Variants in SRRM1 observed in about 807,000 individuals in gnomAD.
SRRM1 encodes the protein serine/arginine repetitive matrix protein 1.
SRRM1 carries 19 observed loss-of-function variants against 110.2 expected under a neutral mutation model. The observed-to-expected ratio is 0.17, with a 90% CI of 0.12 to 0.25. The LOEUF is 0.25. Among genes scored for constraint, SRRM1 ranks in the 10% least tolerant of loss-of-function variants. The pLI is 1.00. For missense variants in SRRM1, 918 were observed against 1,145.8 expected (o/e 0.80, Z 2.87); for synonymous variants, 443 against 414.9 (o/e 1.07, Z -0.82).
At chr1:24,668,970 ATTT>A (rs995375599) in intron 13 of SRRM1, among the ~76,000 whole-genome samples, 150 bp from the exon 14 acceptor site, 119 of 152,224 alleles carry the variant, frequency 7.8e-4, no homozygotes, top group African/African-American at 2.7e-3. Flanking sequence ...TTTTATTGAT[ATTT>A]AAGTGAGAAT....
At chr1:24,666,039 C>G (rs1225353310) in intron 12 of SRRM1, among the ~76,000 whole-genome samples, 2 of 152,142 alleles carry the variant, frequency 1.3e-5, no homozygotes, top group Admixed American at 6.5e-5. Flanking sequence ...GCAGTTGATT[C>G]CTAATAAGGA....
intron 10 of SRRM1, 52 bp downstream of exon 10, chr1:24,660,851 T>C: frequency 7.4e-7 from 1 of 1,346,800 alleles, no homozygotes; most frequent in Non-Finnish European, 1.0e-6. Flanking sequence ...TTTGTTTTTC[T>C]TAAAGCTGAT....
chr1:24,643,491 C>CCT (rs1438412855), intron 1 of SRRM1, 144 bp downstream of exon 1: 1 of 577,856 alleles, frequency 1.7e-6, no homozygotes. Context: ...CACCCCCCCC[C>CCT]CCCCCGTGCG....
At chr1:24,668,541 T>C (rs1671193565) in intron 13 of SRRM1, among the ~76,000 whole-genome samples, 1 of 152,222 alleles carries the variant, frequency 6.6e-6, no homozygotes, top group South Asian at 2.1e-4. Context: ...AAGAGGAAAT[T>C]AGGCAGTTTG....
At position 24,670,389 on chromosome 1, in the gene SRRM1, T is replaced by C. The variant is rs1249537903; in HGVS notation, c.2400+74T>C. On this transcript the variant is annotated intron_variant, in intron 15 of 16. Coordinates refer to ENST00000323848, the MANE Select transcript of SRRM1 (RefSeq NM_005839.4). ...TCACTTTGAAGCAGAGAAAATGTCATTGGGGCATTAAAATATTGGTGTTTA... is the reference window on the plus strand; with the variant it reads ...TCACTTTGAAGCAGAGAAAATGTCACTGGGGCATTAAAATATTGGTGTTTA... The C allele has an allele frequency of 4.3e-6, 6 of 1,403,060 alleles. No homozygotes were observed. In the East Asian group the frequency reaches 7.6e-5, roughly 18 times the overall value. The allele number at this position is 1,403,060 out of a possible 1,614,324, so 86.9% of individuals were successfully genotyped here. A position where few individuals can be genotyped will look rare whatever the true frequency, so the allele number is the denominator to read the frequency against.
intron 8 of SRRM1, chr1:24,654,236 T>C (rs1662706552): frequency 8.4e-7 from 1 of 1,197,376 alleles, no homozygotes; most frequent in African/African-American, 1.6e-5. Flanking sequence ...GTCAATATTT[T>C]ACAGATTGTT....
At chr1:24,666,966 C>T in intron 13 of SRRM1, 41 bp downstream of exon 13, 1 of 1,215,460 alleles carries the variant, frequency 8.2e-7, no homozygotes, top group African/African-American at 1.5e-5. Context: ...CTCCCCAACT[C>T]CCCCCGCCCC....
At chr1:24,664,343 A>G (rs977710413) in intron 12 of SRRM1, among the ~76,000 whole-genome samples, 1 of 152,204 alleles carries the variant, frequency 6.6e-6, no homozygotes, top group African/African-American at 2.4e-5. Flanking sequence ...CTGTGACCAT[A>G]AAACTGTAAA....
intron 4 of SRRM1, among the ~76,000 whole-genome samples, chr1:24,649,348 T>C (rs1659237871): frequency 6.6e-6 from 1 of 152,238 alleles, no homozygotes; most frequent in Non-Finnish European, 1.5e-5. Flanking sequence ...AGACACAGTT[T>C]CAGTCTGTCA....
chr1:24,646,884 G>A, intron 3 of SRRM1, 95 bp downstream of exon 3: 2 of 993,560 alleles, frequency 2.0e-6, no homozygotes, highest in Non-Finnish European at 2.9e-6. Flanking sequence ...AAATATAGAA[G>A]GGTTATTTTA....
At chr1:24,667,084 G>C (rs2148711666) in intron 13 of SRRM1, among the ~76,000 whole-genome samples, 159 bp downstream of exon 13, 1 of 152,188 alleles carries the variant, frequency 6.6e-6, no homozygotes, top group South Asian at 2.1e-4. Context: ...AACTACAAAA[G>C]GATCTCTGAA....
chr1:24,671,736 C>A, intron 16 of SRRM1, 141 bp downstream of exon 16: 1 of 675,628 alleles, frequency 1.5e-6, no homozygotes, highest in Non-Finnish European at 2.4e-6. Context: ...ATACAGTTCA[C>A]CCATTTAAAG....
Position 24,670,242 on chromosome 1 carries a change from C to G in SRRM1, c.2327C>G (p.Pro776Arg). ...APPSPVQSQSPSTNWSPAVPV... is the reference protein window; with the variant it reads ...APPSPVQSQSRSTNWSPAVPV... ...CCATCCCCCGTCCAGTCTCAGTCAC[C>G]GTCTACAAACTGGTCACCAGCTGTA... Residue 776 changes from proline to arginine, a missense_variant, in exon 15 of 17, where the codon CCG (proline) becomes CGG (arginine). Physicochemically the swap from Pro to Arg is moderately radical, Grantham distance 103. Transcript: ENST00000323848. 6.2e-7 allele frequency: 1 copy of G among 1,614,098 alleles called. No homozygotes were observed. The highest frequency in any genetic ancestry group is 8.5e-7 in the Non-Finnish European group (1 of 1,180,020).
intron 15 of SRRM1, among the ~76,000 whole-genome samples, chr1:24,671,097 G>GATTA (rs1672502951): frequency 1.3e-5 from 2 of 152,194 alleles, no homozygotes; most frequent in Admixed American, 1.3e-4. Context: ...ATCAGGTAGG[G>GATTA]ATTATTACAC....
chr1:24,653,839 TTTTG>T (rs1662466806), intron 8 of SRRM1, among the ~76,000 whole-genome samples: 1 of 152,198 alleles, frequency 6.6e-6, no homozygotes, highest in Admixed American at 6.5e-5. Flanking sequence ...GGACAGAATT[TTTTG>T]TTTGAGTCTT....
At chr1:24,669,010 T>C in intron 13 of SRRM1, 113 bp from the exon 14 acceptor site, 2 of 778,388 alleles carry the variant, frequency 2.6e-6, no homozygotes, top group Non-Finnish European at 4.1e-6. Flanking sequence ...CACTTATAAA[T>C]ATATTCCCTT....
intron 10 of SRRM1, chr1:24,661,011 T>A: frequency 1.9e-6 from 1 of 539,016 alleles, no homozygotes; most frequent in Non-Finnish European, 3.3e-6. Context: ...TGAGCCTTTC[T>A]TCTTTCATCT....
intron 11 of SRRM1, among the ~76,000 whole-genome samples, chr1:24,661,771 CA>C (rs2148592975): frequency 6.6e-6 from 1 of 152,258 alleles, no homozygotes; most frequent in African/African-American, 2.4e-5. Context: ...TTTAACTTAA[CA>C]GTATATTTAG....
rs1553162721 is a variant in SRRM1 at position 24,643,493 on chromosome 1, C to CCT, written c.21+147_21+148insTC. On this transcript the variant is annotated intron_variant, in intron 1 of 16. Coordinates refer to ENST00000323848, the MANE Select transcript of SRRM1 (RefSeq NM_005839.4). ...CCTAGAGCCGGCGCACCCCCCCCCC[C>CCT]CCCGTGCGCTGCGGCGGAGACCGGT... The CCT allele has an allele frequency of 1.4e-5, 8 of 579,062 alleles. No individual in the cohort carries two copies. The African/African-American group carries it at 1.5e-4, about 11-fold the overall frequency. 35.9% of individuals were successfully genotyped at this position (579,062 alleles called of 1,614,324 possible).
Sources: allele counts gnomAD v4.1 joint callset (sites outside exome capture counted in the v4.1 genomes callset), GRCh38; gene constraint gnomAD v4.1.1; transcripts MANE v1.5; gene names NCBI Gene and HGNC (gene_info 2026-07-23, HGNC 2026-07-21).